Variants in FERRY3 observed in about 807,000 individuals in gnomAD.
The protein encoded by FERRY3 is FERRY endosomal RAB5 effector complex subunit 3, also known as protein C12orf4.
the FERRY3 span, among the ~76,000 whole-genome samples, chr12:4,536,655 T>A: frequency 8.6e-5 from 13 of 151,986 alleles, no homozygotes; most frequent in Non-Finnish European, 1.6e-4. Flanking sequence ...GGTCATGAGA[T>A]CCGACTGGGG....
At chr12:4,491,273 G>T in the FERRY3 span, 42 of 1,545,496 alleles carry the variant, frequency 2.7e-5, no homozygotes, top group Non-Finnish European at 3.7e-5. Context: ...GTTTTTGATA[G>T]AACTTTGTAT....
the FERRY3 span, chr12:4,488,570 C>T: frequency 2.6e-5 from 4 of 152,312 alleles, no homozygotes; most frequent in South Asian, 8.3e-4. This position sits in a 1 kb window ranked among gnomAD's most constrained non-coding sequence, Gnocchi z 4.9. Flanking sequence ...CTGGACAAAC[C>T]TTTCCCTCGA....
chr12:4,510,289 G>A, the FERRY3 span, among the ~76,000 whole-genome samples: 4 of 147,968 alleles, frequency 2.7e-5, no homozygotes, highest in Admixed American at 6.7e-5. Context: ...TGAAAGTGAT[G>A]GGGAGAATGG....
the FERRY3 span, chr12:4,500,192 G>A: frequency 1.2e-6 from 2 of 1,613,950 alleles, no homozygotes; most frequent in Non-Finnish European, 1.7e-6. Flanking sequence ...TGATGTCATG[G>A]GTACAGCAAA....
chr12:4,521,847 C>A, the FERRY3 span, among the ~76,000 whole-genome samples: 1 of 152,052 alleles, frequency 6.6e-6, no homozygotes, highest in Non-Finnish European at 1.5e-5. Context: ...GAAGAAAAAA[C>A]ACAGGATAAA....
chr12:4,516,737 AGGTAATAGACGAT>A, the FERRY3 span, among the ~76,000 whole-genome samples: 1 of 152,206 alleles, frequency 6.6e-6, no homozygotes, highest in African/African-American at 2.4e-5. Flanking sequence ...CAGGAAGAAT[AGGTAATAGACGAT>A]GGGCTTAATA....
the FERRY3 span, chr12:4,525,523 A>G: frequency 6.2e-7 from 1 of 1,613,272 alleles, no homozygotes; most frequent in South Asian, 1.1e-5. Flanking sequence ...GTGAATTTAC[A>G]TCTTGATCTG....
At chr12:4,531,862 A>T in the FERRY3 span, among the ~76,000 whole-genome samples, 1 of 152,184 alleles carries the variant, frequency 6.6e-6, no homozygotes, top group Non-Finnish European at 1.5e-5. Flanking sequence ...ATCCATGTGG[A>T]AACCCATCCA....
chr12:4,495,745 C>T, the FERRY3 span, among the ~76,000 whole-genome samples: 2 of 152,088 alleles, frequency 1.3e-5, no homozygotes, highest in Admixed American at 6.5e-5. Flanking sequence ...CTCATTAATA[C>T]CCTGCTTTCT....
chr12:4,493,336 G>A, the FERRY3 span, among the ~76,000 whole-genome samples: 11 of 152,128 alleles, frequency 7.2e-5, no homozygotes, highest in African/African-American at 2.4e-4. Context: ...CCTTTACAAT[G>A]CCTTCTATAA....
chr12:4,526,841 C>CAAA, the FERRY3 span, among the ~76,000 whole-genome samples: 1 of 109,786 alleles, frequency 9.1e-6, no homozygotes, highest in Non-Finnish European at 2.0e-5. Flanking sequence ...GACTCCATCT[C>CAAA]AAAAAAAAAA....
At chr12:4,500,175 A>AT in the FERRY3 span, 3 of 1,614,060 alleles carry the variant, frequency 1.9e-6, no homozygotes, top group Non-Finnish European at 2.5e-6. Flanking sequence ...AGGAATGCTT[A>AT]TTGTTGTGAT....
At chr12:4,516,993 C>A in the FERRY3 span, 1 of 1,230,606 alleles carries the variant, frequency 8.1e-7, no homozygotes, top group South Asian at 3.1e-5. Context: ...TCTATATGAT[C>A]TTAATACTGA....
At chr12:4,495,539 A>AT in the FERRY3 span, among the ~76,000 whole-genome samples, 1 of 152,224 alleles carries the variant, frequency 6.6e-6, no homozygotes, top group African/African-American at 2.4e-5. Flanking sequence ...CATAGAGCTT[A>AT]TTGAAGGGCT....
chr12:4,507,833 A>G, the FERRY3 span, among the ~76,000 whole-genome samples: 20 of 152,182 alleles, frequency 1.3e-4, 1 homozygote, highest in African/African-American at 4.8e-4. Flanking sequence ...TTTATGTAAA[A>G]AAGGAAAATA....
chr12:4,494,554 C>T, the FERRY3 span, among the ~76,000 whole-genome samples: 12 of 152,336 alleles, frequency 7.9e-5, no homozygotes, highest in African/African-American at 2.9e-4. Context: ...TACGAATACC[C>T]AGTTGTTTCA....
At chr12:4,526,497 T>C in the FERRY3 span, among the ~76,000 whole-genome samples, 1 of 152,184 alleles carries the variant, frequency 6.6e-6, no homozygotes, top group South Asian at 2.1e-4. Context: ...AACACAGATA[T>C]AAACTAAGAG....
chr12:4,535,382 C>G, the FERRY3 span, among the ~76,000 whole-genome samples: 1 of 152,308 alleles, frequency 6.6e-6, no homozygotes, highest in Middle Eastern at 3.4e-3. This position sits in a 1 kb window ranked among gnomAD's most constrained non-coding sequence, Gnocchi z 4.0. Context: ...AACCATATTT[C>G]AAGAACCACT....
chr12:4,522,891 T>C, the FERRY3 span, among the ~76,000 whole-genome samples: 1 of 152,186 alleles, frequency 6.6e-6, no homozygotes, highest in African/African-American at 2.4e-5. Context: ...TTATGCCACA[T>C]GAAAGAAGCA....
Sources: gnomAD v4.1 joint callset for allele counts (sites outside exome capture counted in the v4.1 genomes callset) on GRCh38, gnomAD v4.1.1 for gene constraint, Gnocchi (gnomAD v3.1) non-coding constraint, MANE v1.5 for transcripts, NCBI Gene and HGNC (gene_info 2026-07-23, HGNC 2026-07-21) for gene names.